HNF1A: variants seen among roughly 807,000 people sequenced by gnomAD.
The protein encoded by HNF1A is HNF1 homeobox A.
In HNF1A, 21 loss-of-function variants were observed where a neutral mutation model predicts 62.2. The ratio of observed to expected loss-of-function variants is 0.34; its 90% CI spans 0.24 to 0.49. HNF1A has a LOEUF of 0.49. HNF1A is among the 20% of genes least tolerant of loss of function. HNF1A has a pLI of 0.99. For missense variants in HNF1A, 687 were observed against 832.3 expected (o/e 0.83, Z 2.15); for synonymous variants, 374 against 366.8 (o/e 1.02, Z -0.22).
intron 1 of HNF1A, among the ~76,000 whole-genome samples, chr12:120,987,761 TTGATC>T (rs1201321884): frequency 2.5e-5 from 3 of 121,264 alleles, no homozygotes; most frequent in African/African-American, 9.8e-5. Context: ...AGTCACAAAG[TTGATC>T]TATCTATCTA....
chr12:120,982,456 C>CGGG (rs1565881342), intron 1 of HNF1A, among the ~76,000 whole-genome samples: 1 of 138,562 alleles, frequency 7.2e-6, no homozygotes, highest in African/African-American at 2.8e-5. Context: ...GTAGCCACGG[C>CGGG]AGGAGGGGGG....
At position 120,996,268 on chromosome 12, in the gene HNF1A, G is replaced by A. The variant is rs751761766; in HGVS notation, c.962G>A (p.Arg321His). Residue 321 changes from arginine (R) to histidine (H), a missense_variant, in exon 5 of 10, where the codon CGC becomes CAC. Physicochemically the swap from Arg to His is conservative, Grantham distance 29 (BLOSUM62 0). Around this residue, in one of 5 missense-constraint regions of HNF1A, gnomAD observed 408 missense variants for 455.3 expected, o/e 0.90. Transcript: ENST00000257555. This position sits in a 1 kb window ranked among gnomAD's most constrained non-coding sequence, Gnocchi z 4.5. ...ACACTGCTTCCCTCTCCAGGTGTGC[G>A]CTATGGACAGCCTGCGACCAGTGAG... Reference protein sequence around the residue: ...ALSPSKVHGVRYGQPATSETA... With the variant: ...ALSPSKVHGVHYGQPATSETA... 35 of 1,613,928 alleles carry A rather than the reference G, an allele frequency of 2.2e-5. No individual in the cohort carries two copies. Among genetic ancestry groups the A allele is most frequent in the South Asian group, 3.3e-5 (3 of 91,082 alleles).
At position 120,996,718 on chromosome 12, in the gene HNF1A, A is replaced by C; in HGVS notation, c.1285A>C (p.Thr429Pro). 4 of 1,614,054 alleles carry C rather than the reference A, an allele frequency of 2.5e-6. No individual in the cohort carries two copies. The highest frequency in any genetic ancestry group is 3.4e-6 in the Non-Finnish European group (4 of 1,179,988). The change falls in exon 6 of 10, where the codon ACA becomes CCA. Residue 429 changes from threonine (T) to proline (P), a missense_variant. Thr to Pro is a conservative substitution (Grantham distance 38, BLOSUM62 -1). Transcript: ENST00000257555. This position sits in a 1 kb window ranked among gnomAD's most constrained non-coding sequence, Gnocchi z 4.5. ...CTCCCTGGGTCCTACGTTCACCAAC[A>C]CAGGTGCCTCCACCCTGGTCATCGG... ...PASLGPTFTN[T>P]GASTLVIGLA...
At chr12:120,988,756 C>G in intron 1 of HNF1A, 77 bp from the exon 2 acceptor site, 1 of 1,376,572 alleles carries the variant, frequency 7.3e-7, no homozygotes, top group Non-Finnish European at 1.0e-6. Flanking sequence ...GACAAGGTTC[C>G]AGCACCCAGG....
chr12:120,983,733 A>G (rs1165838198), intron 1 of HNF1A, among the ~76,000 whole-genome samples: 1 of 151,858 alleles, frequency 6.6e-6, no homozygotes, highest in African/African-American at 2.4e-5. Flanking sequence ...TTTAGTAGAG[A>G]CAGGGTTTCA....
At chr12:120,994,538 C>G (rs1876994291) in intron 4 of HNF1A, 133 bp downstream of exon 4, 2 of 957,976 alleles carry the variant, frequency 2.1e-6, no homozygotes, top group South Asian at 3.4e-5. Context: ...CTCCTTATCA[C>G]TCTACTTCAC....
chr12:120,980,423 G>A (rs994464860), intron 1 of HNF1A, among the ~76,000 whole-genome samples: 6 of 152,056 alleles, frequency 3.9e-5, no homozygotes, highest in African/African-American at 1.2e-4. Context: ...GGAGCCTCCC[G>A]AGGGCCTGGA....
At chr12:120,991,625 TATGATGTATGTATGTATGC>T (rs1419376894) in intron 2 of HNF1A, among the ~76,000 whole-genome samples, 2 of 31,664 alleles carry the variant, frequency 6.3e-5, no homozygotes, top group Admixed American at 2.0e-4. Context: ...TGTATGTATG[TATGATGTATGTATGTATGC>T]ATGCATGCAT....
intron 1 of HNF1A, among the ~76,000 whole-genome samples, chr12:120,987,495 AAAAG>A (rs1876573533): frequency 1.3e-5 from 2 of 151,066 alleles, no homozygotes; most frequent in African/African-American, 2.4e-5. Context: ...AAAAAAAAGA[AAAAG>A]AAAAGAAAAA....
rs11065382 is a variant in HNF1A at position 120,982,114 on chromosome 12, C to A, written c.326+3020C>A. 1.8e-3 allele frequency among the ~76,000 whole-genome samples: 279 copies of A among 152,168 alleles called. 1 individual carries two copies. Among genetic ancestry groups the A allele is most frequent in the Non-Finnish European group, 3.0e-3 (207 of 68,006 alleles). Reference sequence around the variant, plus strand: ...GAGACGGAGTCTCACTCTGTCGGCCCGGCTGGAGTGCATGGCGCGATCTCG... The same window carrying A: ...GAGACGGAGTCTCACTCTGTCGGCCAGGCTGGAGTGCATGGCGCGATCTCG... On this transcript the variant is annotated intron_variant, in intron 1 of 9. Transcript: ENST00000257555.
At chr12:120,998,005 CGTG>C (rs1418156871) in intron 7 of HNF1A, 17 of 577,242 alleles carry the variant, frequency 2.9e-5, no homozygotes, top group Non-Finnish European at 5.0e-5. Flanking sequence ...TGGGGCCAGG[CGTG>C]GTGGCTCATG....
rs775477251 is a variant in HNF1A at position 120,996,981 on chromosome 12, G to T, written c.1309+239G>T. On this transcript the variant is annotated intron_variant, in intron 6 of 9. Transcript: ENST00000257555. The surrounding 1 kb of genome is among the most constrained non-coding windows in gnomAD (Gnocchi z 4.5). ...CTAAGCATAATACATCAATTCTGTG[G>T]TACCTCAGAAGGTGAAGGGTCTATG... 13 of 1,508,474 alleles carry T rather than the reference G, an allele frequency of 8.6e-6. No homozygotes were observed. The South Asian group carries it at 1.6e-4, about 18-fold the overall frequency. The allele number at this position is 1,508,474 out of a possible 1,614,324, so 93.4% of individuals were successfully genotyped here.
chr12:120,990,615 G>GAT (rs1340495619), intron 2 of HNF1A, among the ~76,000 whole-genome samples: 1 of 126,500 alleles, frequency 7.9e-6, no homozygotes, highest in East Asian at 3.0e-4. Flanking sequence ...AGGGAGGAAA[G>GAT]ATAGGAAAGG....
intron 9 of HNF1A, 100 bp downstream of exon 9, chr12:120,999,727 G>A (rs2135851937): frequency 1.5e-5 from 22 of 1,434,764 alleles, no homozygotes; most frequent in Non-Finnish European, 2.0e-5. Flanking sequence ...GGCTGTGCAT[G>A]CAGCAGGCCT....
At chr12:120,998,869 A>C (rs567998328) in intron 7 of HNF1A, among the ~76,000 whole-genome samples, 19 of 152,178 alleles carry the variant, frequency 1.2e-4, no homozygotes, top group Admixed American at 1.1e-3. Flanking sequence ...ACCTGTGTTT[A>C]GTATAGTAGC....
At chr12:120,997,424 G>C (rs753460678) in intron 6 of HNF1A, 50 bp from the exon 7 acceptor site, 2 of 1,546,962 alleles carry the variant, frequency 1.3e-6, no homozygotes, top group Non-Finnish European at 1.7e-6. Context: ...CTTGGGCAGG[G>C]GTGGGATATA....
chr12:121,001,858 C>A lies in HNF1A; in HGVS notation c.*666C>A. On this transcript the variant is annotated 3_prime_UTR_variant, in exon 10 of 10. Transcript: ENST00000257555. ...GGCAGGGCTCTCCTGGCTTCCCATCCCCAGCGATTCCCTCTCCCAGGCCCC... is the reference window on the plus strand; with the variant it reads ...GGCAGGGCTCTCCTGGCTTCCCATCACCAGCGATTCCCTCTCCCAGGCCCC... The A allele has an allele frequency of 1.9e-6, 1 of 521,730 alleles. No individual in the cohort carries two copies. 32.3% of individuals were successfully genotyped at this position (521,730 alleles called of 1,614,324 possible). A position where few individuals can be genotyped will look rare whatever the true frequency, so the allele number is the denominator to read the frequency against.
intron 4 of HNF1A, 93 bp downstream of exon 4, chr12:120,994,498 C>T (rs1429505138): frequency 6.3e-6 from 9 of 1,433,914 alleles, no homozygotes; most frequent in East Asian, 2.5e-5. Flanking sequence ...CCTCTTTGCA[C>T]TTCAGTTTGG....
At chr12:120,982,935 C>T (rs755614424) in intron 1 of HNF1A, among the ~76,000 whole-genome samples, 15 of 152,114 alleles carry the variant, frequency 9.9e-5, no homozygotes, top group Non-Finnish European at 1.8e-4. Flanking sequence ...CTCATTTTTT[C>T]CTCCTCCCCA....
Sources: gnomAD v4.1 joint callset for allele counts (sites outside exome capture counted in the v4.1 genomes callset) on GRCh38, gnomAD v4.1.1 for gene constraint, gnomAD v4.1.1 regional missense constraint, Gnocchi (gnomAD v3.1) non-coding constraint, MANE v1.5 for transcripts, NCBI Gene and HGNC (gene_info 2026-07-23, HGNC 2026-07-21) for gene names.